EPHA8: variants seen among roughly 807,000 people sequenced by gnomAD.
EPHA8 encodes EPH receptor A8, also known as ephrin type-A receptor 8.
In EPHA8, 58 loss-of-function variants were observed where a neutral mutation model predicts 103.6. That is an observed-to-expected ratio of 0.56 (90% CI 0.45 to 0.70). The LOEUF (loss-of-function observed/expected upper bound fraction) is 0.70. Ranked by LOEUF, EPHA8 falls within the 30% of genes least tolerant of loss-of-function variation. The pLI is 0.00. For missense variants in EPHA8, 1,304 were observed against 1,395.2 expected (o/e 0.93, Z 1.04); for synonymous variants, 559 against 572.5 (o/e 0.98, Z 0.34).
Position 22,599,153 on chromosome 1 carries a change from T to A in EPHA8, c.2388+106T>A. 3.1e-6 allele frequency: 4 copies of A among 1,278,212 alleles called. No individual in the cohort carries two copies. In the South Asian group the frequency reaches 5.6e-5, roughly 18 times the overall value. The allele number at this position is 1,278,212 out of a possible 1,614,324, so 79.2% of individuals were successfully genotyped here. A position where few individuals can be genotyped will look rare whatever the true frequency, so the allele number is the denominator to read the frequency against. ...AAGTAGCTGAATGAAGTTGGCAGTT[T>A]CGGGGTGGCCCTCAACCTGGGGCAC... On this transcript the variant is annotated intron_variant, in intron 13 of 16. Coordinates refer to ENST00000166244, the MANE Select transcript of EPHA8 (RefSeq NM_020526.5).
intron 3 of EPHA8, among the ~76,000 whole-genome samples, chr1:22,585,028 T>A (rs1239297187): frequency 1.0e-5 from 1 of 97,746 alleles, no homozygotes; most frequent in East Asian, 2.2e-4. Context: ...GTCGTTTCTC[T>A]GTGTGTGTGT....
Position 22,569,706 on chromosome 1 carries a change from C to T in EPHA8, c.159+353C>T, listed in dbSNP as rs137874706. Among the ~76,000 whole-genome samples the T allele has an allele frequency of 2.1e-4, 32 of 152,234 alleles. No individual in the cohort carries two copies. The highest frequency in any genetic ancestry group is 7.7e-4 in the African/African-American group (32 of 41,534). ...GGGTTGCTCCCTCCCTCCCAGCTGC[C>T]CTGGCCTCACCAGTCCTCCGACCTC... On this transcript the variant is annotated intron_variant, in intron 2 of 16. Coordinates refer to ENST00000166244, the MANE Select transcript of EPHA8 (RefSeq NM_020526.5). The surrounding 1 kb of genome is among the most constrained non-coding windows in gnomAD (Gnocchi z 4.5).
chr1:22,583,206 G>A (rs945990364), intron 3 of EPHA8, among the ~76,000 whole-genome samples: 8 of 152,240 alleles, frequency 5.3e-5, no homozygotes, highest in East Asian at 1.9e-4. Flanking sequence ...AGGCAGGGCC[G>A]GGCCCCAGCC....
rs1162736211 is a variant in EPHA8, at chr1:22,602,445, C to T, written c.*704C>T. ...GGGTCCTCCCTCTAGCCGAGGAGGC[C>T]ACCTGCAGCCTCCACCCGGCTCTCA... On this transcript the variant is annotated 3_prime_UTR_variant, in exon 17 of 17. Coordinates refer to ENST00000166244, the MANE Select transcript of EPHA8 (RefSeq NM_020526.5). 2 of 153,020 alleles carry T rather than the reference C, an allele frequency of 1.3e-5. No individual in the cohort carries two copies. Among genetic ancestry groups the T allele is most frequent in the Non-Finnish European group, 2.9e-5 (2 of 68,382 alleles). 9.5% of individuals were successfully genotyped at this position (153,020 alleles called of 1,614,324 possible).
chr1:22,567,829 G>T lies in EPHA8; in HGVS notation c.95-1460G>T, dbSNP rs1640411538. Among the ~76,000 whole-genome samples, 1 of 152,158 alleles carries T rather than the reference G, an allele frequency of 6.6e-6. No individual in the cohort carries two copies. The highest frequency in any genetic ancestry group is 1.5e-5 in the Non-Finnish European group (1 of 68,040). ...CTGCCCAAGCCCGCTGATTGGGGTG[G>T]TTAAAAGCCCATGGCTGTTGGCTGG... On this transcript the variant is annotated intron_variant, in intron 1 of 16. Transcript: ENST00000166244. The surrounding 1 kb of genome is among the most constrained non-coding windows in gnomAD (Gnocchi z 4.2).
At position 22,567,221 on chromosome 1, in the gene EPHA8, C is replaced by T. The variant is rs1003931215; in HGVS notation, c.95-2068C>T. 1.4e-4 allele frequency among the ~76,000 whole-genome samples: 22 copies of T among 152,140 alleles called. No homozygotes were observed. Among genetic ancestry groups the T allele is most frequent in the Admixed American group, 6.5e-4 (10 of 15,282 alleles). ...GGTCACAGAAGGGGCCCAGTCACCCCGAGACCTGTGTCTGGGATGCGGGGT... is the reference window on the plus strand; with the variant it reads ...GGTCACAGAAGGGGCCCAGTCACCCTGAGACCTGTGTCTGGGATGCGGGGT... On this transcript the variant is annotated intron_variant, in intron 1 of 16. Transcript: ENST00000166244. This position sits in a 1 kb window ranked among gnomAD's most constrained non-coding sequence, Gnocchi z 4.2.
At chr1:22,579,039 G>A (rs1210855568) in intron 3 of EPHA8, among the ~76,000 whole-genome samples, 4 of 144,384 alleles carry the variant, frequency 2.8e-5, no homozygotes, top group Non-Finnish European at 6.1e-5. Context: ...ATGTATGCAT[G>A]TGTGTGCATT....
At chr1:22,588,171 C>A (rs890960003) in intron 4 of EPHA8, among the ~76,000 whole-genome samples, 5 of 152,204 alleles carry the variant, frequency 3.3e-5, no homozygotes, top group Admixed American at 3.3e-4. Context: ...ATTTAAGATT[C>A]TCTGCCTGGA....
Position 22,598,096 on chromosome 1 carries a change from A to G in EPHA8, c.2117-55A>G. 3.2e-6 allele frequency: 5 copies of G among 1,576,242 alleles called. No homozygotes were observed. The highest frequency in any genetic ancestry group is 4.4e-6 in the Non-Finnish European group (5 of 1,146,716). On this transcript the variant is annotated intron_variant, in intron 11 of 16. Transcript: ENST00000166244. The surrounding 1 kb of genome is among the most constrained non-coding windows in gnomAD (Gnocchi z 5.1). The stretch of plus-strand genomic sequence containing the variant: ...TGGTGGTATGCTCCTGGGGTCTCTG[A>G]TCAGCAGCCCTGAGCCCCAAACCAA...
At chr1:22,588,463 C>T (rs947992751) in intron 4 of EPHA8, among the ~76,000 whole-genome samples, 3 of 152,296 alleles carry the variant, frequency 2.0e-5, no homozygotes, top group East Asian at 1.9e-4. Context: ...CATTTTGTAT[C>T]GGATCCGGCA....
chr1:22,583,797 AC>A (rs1641112604), intron 3 of EPHA8, among the ~76,000 whole-genome samples: 1 of 152,130 alleles, frequency 6.6e-6, no homozygotes, highest in African/African-American at 2.4e-5. Context: ...CAGGTGCTAC[AC>A]CCGAGCTTCT....
At chr1:22,601,193 C>A in intron 15 of EPHA8, 105 bp downstream of exon 15, 1 of 1,529,142 alleles carries the variant, frequency 6.5e-7, no homozygotes, top group Non-Finnish European at 8.8e-7. Flanking sequence ...CAGGCCCAGC[C>A]TGGGCCCCCG....
intron 3 of EPHA8, among the ~76,000 whole-genome samples, chr1:22,579,423 C>T (rs1640976879): frequency 6.6e-6 from 1 of 150,558 alleles, no homozygotes; most frequent in African/African-American, 2.5e-5. Flanking sequence ...TGTATGTGTG[C>T]ATGTGTTTGC....
At chr1:22,596,060 G>C in intron 8 of EPHA8, 46 bp from the exon 9 acceptor site, 1 of 1,598,544 alleles carries the variant, frequency 6.3e-7, no homozygotes, top group Non-Finnish European at 8.6e-7. Context: ...CAGGTCCCGG[G>C]CTAGGGGTGG....
Position 22,600,941 on chromosome 1 carries a change from T to C in EPHA8, c.2582T>C (p.Met861Thr), listed in dbSNP as rs567663699. 69 of 1,612,520 alleles carry C rather than the reference T, an allele frequency of 4.3e-5. 2 individuals are homozygous for C. The highest frequency in any genetic ancestry group is 2.6e-4 in the South Asian group (24 of 91,016). ...VEEGYRLPAP[M>T]GCPHALHQLM... is the part of the protein sequence containing the mutation. ...GAGGGGTACCGCCTGCCCGCACCCA[T>C]GGGCTGCCCCCACGCCCTGCACCAG... The change falls in exon 15 of 17, where the codon ATG becomes ACG. Residue 861 changes from methionine to threonine, a missense_variant. Physicochemically the swap from Met to Thr is moderately conservative, Grantham distance 81 (BLOSUM62 -1). Transcript: ENST00000166244.
chr1:22,574,788 C>A (rs1379314013), intron 2 of EPHA8, among the ~76,000 whole-genome samples: 1 of 152,172 alleles, frequency 6.6e-6, no homozygotes, highest in East Asian at 1.9e-4. Context: ...GCTTTCAATT[C>A]TTTGGGATAT....
Position 22,597,254 on chromosome 1 carries a change from T to A in EPHA8, c.1766-58T>A. 3.3e-5 allele frequency: 43 copies of A among 1,311,168 alleles called. No individual in the cohort carries two copies. Among genetic ancestry groups the A allele is most frequent in the Middle Eastern group, 2.3e-4 (1 of 4,356 alleles). The allele number at this position is 1,311,168 out of a possible 1,614,324, so 81.2% of individuals were successfully genotyped here. On this transcript the variant is annotated intron_variant, in intron 9 of 16. Transcript: ENST00000166244. The surrounding 1 kb of genome is among the most constrained non-coding windows in gnomAD (Gnocchi z 4.6). ...CCAGACCCATCCCAGGCCCAGGGAATGTCAGGAAAAAGCAATCTCTCCTGG... is the reference window on the plus strand; with the variant it reads ...CCAGACCCATCCCAGGCCCAGGGAAAGTCAGGAAAAAGCAATCTCTCCTGG...
intron 2 of EPHA8, among the ~76,000 whole-genome samples, chr1:22,574,132 C>A (rs1640618389): frequency 6.6e-6 from 1 of 152,210 alleles, no homozygotes; most frequent in South Asian, 2.1e-4. Context: ...GCGCCCGCCA[C>A]CACGCCCGGC....
intron 13 of EPHA8, among the ~76,000 whole-genome samples, chr1:22,599,323 A>G (rs186014559): frequency 1.3e-5 from 2 of 152,174 alleles, no homozygotes; most frequent in African/African-American, 4.8e-5. Context: ...GAGGGTTGGA[A>G]TCTCCCCGAA....
Sources: gnomAD v4.1 joint callset for allele counts (sites outside exome capture counted in the v4.1 genomes callset) on GRCh38, gnomAD v4.1.1 for gene constraint, Gnocchi (gnomAD v3.1) non-coding constraint, MANE v1.5 for transcripts, NCBI Gene and HGNC (gene_info 2026-07-23, HGNC 2026-07-21) for gene names.